Variants in KLHL7 observed in about 807,000 individuals in gnomAD.
The protein encoded by KLHL7 is kelch-like protein 7.
In KLHL7, 44 loss-of-function variants were observed where a neutral mutation model predicts 67.4. That is an observed-to-expected ratio of 0.65 (90% CI 0.51 to 0.84). The LOEUF is 0.84. Among genes scored for constraint, KLHL7 ranks in the 40% least tolerant of loss-of-function variants. The pLI is 0.00. For missense variants in KLHL7, 362 were observed against 718.1 expected, an observed-to-expected ratio of 0.50 and a Z score of 5.67; for synonymous variants, 252 against 243.3, an observed-to-expected ratio of 1.04 and a Z score of -0.33.
chr7:23,110,828 A>G (rs1782839500), intron 1 of KLHL7, among the ~76,000 whole-genome samples: 1 of 130,154 alleles, frequency 7.7e-6, no homozygotes, highest in African/African-American at 3.0e-5. Flanking sequence ...GTGTGTTCTC[A>G]TTGTTCAAGT....
intron 1 of KLHL7, among the ~76,000 whole-genome samples, chr7:23,113,333 T>C (rs1782953057): frequency 6.6e-6 from 1 of 152,172 alleles, no homozygotes; most frequent in African/African-American, 2.4e-5. Context: ...TCTTTTTACC[T>C]GAACAGGAGG....
intron 4 of KLHL7, among the ~76,000 whole-genome samples, chr7:23,138,124 C>T (rs1223529303): frequency 2.0e-5 from 3 of 151,584 alleles, no homozygotes; most frequent in African/African-American, 4.8e-5. Flanking sequence ...TGCAGTGAGC[C>T]GAGTTCGTGC....
chr7:23,113,034 C>A (rs73272048), intron 1 of KLHL7, among the ~76,000 whole-genome samples: 8 of 151,632 alleles, frequency 5.3e-5, no homozygotes, highest in African/African-American at 1.9e-4. Context: ...GGGGCAGTTC[C>A]TCTTCCATAA....
chr7:23,136,147 C>T (rs1783968769), intron 4 of KLHL7, among the ~76,000 whole-genome samples: 1 of 152,012 alleles, frequency 6.6e-6, no homozygotes, highest in Non-Finnish European at 1.5e-5. Flanking sequence ...GAAAGAGAAT[C>T]AGAATGCCAT....
At chr7:23,130,840 A>G (rs1332522413) in intron 4 of KLHL7, among the ~76,000 whole-genome samples, 1 of 152,234 alleles carries the variant, frequency 6.6e-6, no homozygotes, top group Non-Finnish European at 1.5e-5. Context: ...TGTAAAGTGA[A>G]CATACTTTGT....
At chr7:23,127,392 G>C (rs1044636296) in intron 4 of KLHL7, among the ~76,000 whole-genome samples, 4 of 152,180 alleles carry the variant, frequency 2.6e-5, no homozygotes, top group Non-Finnish European at 4.4e-5. Context: ...AAAGTAGCCT[G>C]ATTCCTGGCT....
At chr7:23,145,951 C>G (rs1784342360) in intron 6 of KLHL7, among the ~76,000 whole-genome samples, 1 of 152,136 alleles carries the variant, frequency 6.6e-6, no homozygotes, top group South Asian at 2.1e-4. Context: ...AGGCTGGTCT[C>G]AAACTTCTGG....
intron 1 of KLHL7, among the ~76,000 whole-genome samples, chr7:23,116,453 T>C (rs987662372): frequency 2.0e-5 from 3 of 152,244 alleles, no homozygotes; most frequent in African/African-American, 4.8e-5. Flanking sequence ...GTGTTGCATT[T>C]TCCTCTGTGG....
chr7:23,157,189 C>T (rs1162930492), intron 7 of KLHL7, among the ~76,000 whole-genome samples: 1 of 152,158 alleles, frequency 6.6e-6, no homozygotes, highest in African/African-American at 2.4e-5. Flanking sequence ...AGTTTTATAG[C>T]AGTATATCAG....
At chr7:23,120,289 G>T (rs1783280110) in intron 1 of KLHL7, among the ~76,000 whole-genome samples, 1 of 152,150 alleles carries the variant, frequency 6.6e-6, no homozygotes, top group South Asian at 2.1e-4. Context: ...GGGATTACAG[G>T]CATGAGTCAC....
At chr7:23,148,409 A>G (rs1784426438) in intron 6 of KLHL7, among the ~76,000 whole-genome samples, 1 of 127,678 alleles carries the variant, frequency 7.8e-6, no homozygotes, top group African/African-American at 3.2e-5. Context: ...AAAAAAAAAA[A>G]ACAGCAGCCC....
At chr7:23,165,079 T>G (rs1784961816) in intron 7 of KLHL7, among the ~76,000 whole-genome samples, 1 of 152,210 alleles carries the variant, frequency 6.6e-6, no homozygotes, top group African/African-American at 2.4e-5. Flanking sequence ...AGGTGTGTAT[T>G]TCTAATCATT....
chr7:23,116,223 G>T (rs986827724), intron 1 of KLHL7, among the ~76,000 whole-genome samples: 1 of 152,166 alleles, frequency 6.6e-6, no homozygotes, highest in Non-Finnish European at 1.5e-5. Flanking sequence ...TCTTGGAGGG[G>T]TTTGTCCTCC....
At chr7:23,167,482 A>G (rs1369741884) in intron 8 of KLHL7, among the ~76,000 whole-genome samples, 1 of 152,218 alleles carries the variant, frequency 6.6e-6, no homozygotes, top group Non-Finnish European at 1.5e-5. Flanking sequence ...TTTCCACTTT[A>G]TATAAACATT....
intron 10 of KLHL7, 27 bp from the exon 11 acceptor site, chr7:23,173,988 T>C (rs750840381): frequency 6.2e-7 from 1 of 1,607,926 alleles, no homozygotes; most frequent in South Asian, 1.1e-5. Flanking sequence ...TAGTTTTTCA[T>C]GTTGTTCATG....
At chr7:23,169,505 G>A (rs1426296015) in intron 9 of KLHL7, among the ~76,000 whole-genome samples, 1 of 151,928 alleles carries the variant, frequency 6.6e-6, no homozygotes, top group Non-Finnish European at 1.5e-5. Context: ...CTCAAAAAGT[G>A]TTACAGCATA....
chr7:23,141,790 T>G (rs1402760269), intron 5 of KLHL7, among the ~76,000 whole-genome samples: 1 of 151,834 alleles, frequency 6.6e-6, no homozygotes, highest in Non-Finnish European at 1.5e-5. Flanking sequence ...GCCCGGCTAA[T>G]TTTTTGTATT....
In KLHL7 at chr7:23,124,707, G is replaced by A; in HGVS notation, c.243G>A (p.Lys81=). The A allele has an allele frequency of 6.2e-7, 1 of 1,609,306 alleles. No homozygotes were observed. Among genetic ancestry groups the A allele is most frequent in the Non-Finnish European group, 8.5e-7 (1 of 1,175,646 alleles). The part of the protein sequence containing the change: ...LMFTTNMLES[K]SFEVELKDAE... ...TTGTAGCTAACATGCTTGAATCAAA[G>A]TCCTTTGAAGTAGAACTCAAAGATG... Residue 81 remains lysine, a synonymous_variant, in exon 3 of 11, where the codon AAG becomes AAA. Coordinates refer to ENST00000339077, the MANE Select transcript of KLHL7 (RefSeq NM_001031710.3).
chr7:23,126,827 A>G (rs998273793), intron 4 of KLHL7, among the ~76,000 whole-genome samples: 1 of 152,232 alleles, frequency 6.6e-6, no homozygotes, highest in Non-Finnish European at 1.5e-5. Context: ...GACTAGATGG[A>G]GCAGGAAGAG....
Sources: allele counts gnomAD v4.1 joint callset (sites outside exome capture counted in the v4.1 genomes callset), GRCh38; gene constraint gnomAD v4.1.1; transcripts MANE v1.5; gene names NCBI Gene and HGNC (gene_info 2026-07-23, HGNC 2026-07-21).